The following ZMYM4 variants were observed in gnomAD, a reference collection of about 807,000 sequenced individuals.
The protein encoded by ZMYM4 is zinc finger MYM-type protein 4.
A neutral mutation model predicts 183.2 loss-of-function variants in ZMYM4; 31 were observed. The observed-to-expected ratio is 0.17, with a 90% CI of 0.13 to 0.23. ZMYM4 has a LOEUF of 0.23. Among genes scored for constraint, ZMYM4 ranks in the 10% least tolerant of loss-of-function variants. The probability of loss-of-function intolerance (pLI) is 1.00; values close to 1 mark genes in which losing one functional copy is unlikely to be tolerated. For synonymous variants in ZMYM4, 592 were observed against 631.2 expected (o/e 0.94, Z 0.93); for missense variants, 1,273 against 1,840.3 (o/e 0.69, Z 5.64).
At chr1:35,281,497 A>G (rs949497375) in intron 1 of ZMYM4, among the ~76,000 whole-genome samples, 6 of 152,038 alleles carry the variant, frequency 3.9e-5, no homozygotes, top group Non-Finnish European at 7.4e-5. Flanking sequence ...CCAAGAGTAG[A>G]AAGTTGTAGT....
chr1:35,300,960 AT>A (rs1641251816), intron 1 of ZMYM4, among the ~76,000 whole-genome samples: 1 of 152,126 alleles, frequency 6.6e-6, no homozygotes, highest in South Asian at 2.1e-4. Context: ...AATGCTAGAC[AT>A]TGTGGCCTCT....
At chr1:35,335,315 C>T (rs989739407) in intron 2 of ZMYM4, among the ~76,000 whole-genome samples, 5 of 151,784 alleles carry the variant, frequency 3.3e-5, no homozygotes, top group Non-Finnish European at 2.9e-5. Flanking sequence ...CGGCTCACTG[C>T]GATCTCTGCT....
Position 35,389,101 on chromosome 1 carries a change from C to G in ZMYM4, c.2436+19C>G, listed in dbSNP as rs761435704. 3.8e-6 allele frequency: 6 copies of G among 1,590,620 alleles called. No homozygotes were observed. In the East Asian group the frequency reaches 1.1e-4, roughly 30 times the overall value. On this transcript the variant is annotated intron_variant, in intron 14 of 29. Coordinates refer to ENST00000314607, the MANE Select transcript of ZMYM4 (RefSeq NM_005095.3). The surrounding 1 kb of genome is among the most constrained non-coding windows in gnomAD (Gnocchi z 4.0). ...CTATCAGGTAAATAGAATTCACATT[C>G]CTGGGTTTTTCATTCTAGGGCATAA...
At chr1:35,397,342 C>G in intron 19 of ZMYM4, 35 bp from the exon 20 acceptor site, 1 of 1,477,082 alleles carries the variant, frequency 6.8e-7, no homozygotes, top group Non-Finnish European at 9.0e-7. Context: ...AACCTGTTGC[C>G]AAAGAAAGCC....
At chr1:35,269,397 AGTGCAT>A in intron 1 of ZMYM4, among the ~76,000 whole-genome samples, 1 of 26,702 alleles carries the variant, frequency 3.7e-5, no homozygotes, top group Non-Finnish European at 7.4e-4. Flanking sequence ...GTGCATCTTT[AGTGCAT>A]CTTTAGTACA....
chr1:35,351,346 A>G (rs1048465987), intron 2 of ZMYM4: 66 of 1,566,130 alleles, frequency 4.2e-5, no homozygotes, highest in Non-Finnish European at 5.3e-5. Flanking sequence ...TACATGCACT[A>G]CTTAATGAAA....
Position 35,290,551 on chromosome 1 carries a change from T to C in ZMYM4, c.39+21466T>C, listed in dbSNP as rs374267504. 5.3e-5 allele frequency among the ~76,000 whole-genome samples: 8 copies of C among 152,250 alleles called. No homozygotes were observed. The East Asian group carries it at 5.8e-4, about 11-fold the overall frequency. On this transcript the variant is annotated intron_variant, in intron 1 of 29. Transcript: ENST00000314607. ...CCTGAGCTCAAGGGATCCTCCTGCC[T>C]CTCCAATAGCTAGGACTAGAGGTGC...
intron 28 of ZMYM4, among the ~76,000 whole-genome samples, chr1:35,418,064 C>T (rs1640193371): frequency 6.6e-6 from 1 of 151,628 alleles, no homozygotes; most frequent in African/African-American, 2.4e-5. Context: ...AGGAGAAAAA[C>T]ATGTGGAACC....
chr1:35,356,323 C>A (rs1643817843), intron 2 of ZMYM4, among the ~76,000 whole-genome samples: 1 of 152,162 alleles, frequency 6.6e-6, no homozygotes. Flanking sequence ...ATTGTTCTGA[C>A]TACATAAAAC....
intron 1 of ZMYM4, among the ~76,000 whole-genome samples, chr1:35,270,687 G>A (rs967354416): frequency 2.0e-5 from 3 of 151,444 alleles, no homozygotes; most frequent in Non-Finnish European, 3.0e-5. Flanking sequence ...TTGAACCTGG[G>A]AGGCGGTGGT....
chr1:35,310,957 AT>A (rs1371056896), intron 1 of ZMYM4, among the ~76,000 whole-genome samples: 5 of 152,092 alleles, frequency 3.3e-5, no homozygotes, highest in African/African-American at 1.2e-4. Context: ...ACTGGATTGA[AT>A]TTTAAACACA....
Position 35,370,324 on chromosome 1 carries a change from AT to A in ZMYM4, c.926-41del, listed in dbSNP as rs772107423. Reference sequence around the variant, plus strand: ...TAAAATTCATGGTAAAAAGTAAAACATTTTTTTCTTTCAATTTTTTTTTTTT... The same window carrying A: ...TAAAATTCATGGTAAAAAGTAAAACATTTTTTCTTTCAATTTTTTTTTTTT... On this transcript the variant is annotated intron_variant, in intron 6 of 29. Coordinates refer to ENST00000314607, the MANE Select transcript of ZMYM4 (RefSeq NM_005095.3). The A allele has an allele frequency of 1.6e-5, 22 of 1,418,520 alleles. 1 individual carries two copies. In the African/African-American group the frequency reaches 2.6e-4, roughly 16 times the overall value. The allele number at this position is 1,418,520 out of a possible 1,614,324, so 87.9% of individuals were successfully genotyped here.
intron 5 of ZMYM4, among the ~76,000 whole-genome samples, chr1:35,364,209 T>C (rs1644013283): frequency 6.6e-6 from 1 of 152,230 alleles, no homozygotes; most frequent in African/African-American, 2.4e-5. Flanking sequence ...TACTCCCTGA[T>C]TGATTGGACT....
intron 7 of ZMYM4, among the ~76,000 whole-genome samples, chr1:35,379,348 C>G (rs1644401295): frequency 6.6e-6 from 1 of 152,222 alleles, no homozygotes; most frequent in African/African-American, 2.4e-5. Context: ...ACCCACCCAC[C>G]TCGACCTCCC....
intron 1 of ZMYM4, among the ~76,000 whole-genome samples, chr1:35,273,830 G>A (rs903635299): frequency 3.3e-5 from 5 of 152,102 alleles, no homozygotes; most frequent in African/African-American, 1.2e-4. Context: ...GAGAGTATAA[G>A]GGTGCAAATT....
In ZMYM4 at chr1:35,407,801, C is replaced by G. The variant is rs1645030879; in HGVS notation, c.3797-207C>G. Among the ~76,000 whole-genome samples the G allele has an allele frequency of 2.0e-5, 3 of 152,182 alleles. No individual in the cohort carries two copies. In the South Asian group the frequency reaches 6.2e-4, roughly 32 times the overall value. On this transcript the variant is annotated intron_variant, in intron 25 of 29. Coordinates refer to ENST00000314607, the MANE Select transcript of ZMYM4 (RefSeq NM_005095.3). ...ACAGAATGCCATTTAAAGAAAGCCT[C>G]TATCATAGCACGTATTGCACCATAT...
At chr1:35,414,282 C>T (rs1281370590) in intron 27 of ZMYM4, among the ~76,000 whole-genome samples, 199 bp downstream of exon 27, 1 of 152,118 alleles carries the variant, frequency 6.6e-6, no homozygotes, top group Non-Finnish European at 1.5e-5. Context: ...TGTATAGATA[C>T]TGATTGCAGA....
chr1:35,320,501 G>A (rs1425545851), intron 1 of ZMYM4, among the ~76,000 whole-genome samples: 2 of 152,076 alleles, frequency 1.3e-5, no homozygotes, highest in East Asian at 3.9e-4. Context: ...CAGTAAATGT[G>A]TTCCCCTGAG....
intron 18 of ZMYM4, among the ~76,000 whole-genome samples, chr1:35,395,437 A>T (rs1398273037): frequency 6.6e-6 from 1 of 152,130 alleles, no homozygotes; most frequent in Non-Finnish European, 1.5e-5. Context: ...TCTGTTAAAA[A>T]AAAAAATTTA....
Sources: gnomAD v4.1 joint callset for allele counts (sites outside exome capture counted in the v4.1 genomes callset) on GRCh38, gnomAD v4.1.1 for gene constraint, Gnocchi (gnomAD v3.1) non-coding constraint, MANE v1.5 for transcripts, NCBI Gene and HGNC (gene_info 2026-07-23, HGNC 2026-07-21) for gene names.